Variants in LRRC53 observed in about 807,000 individuals in gnomAD.
LRRC53 encodes leucine-rich repeat-containing protein 53.
In LRRC53, 25 loss-of-function variants were observed where a neutral mutation model predicts 13.6. The observed-to-expected ratio is 1.83, with a 90% CI of 1.34 to 2.56. LRRC53 has a LOEUF of 2.56. Ranked by LOEUF, LRRC53 falls within the 30% of genes most tolerant of loss-of-function variation. The probability of loss-of-function intolerance (pLI) is 0.00; values close to 1 mark genes in which losing one functional copy is unlikely to be tolerated. For synonymous variants in LRRC53, 204 were observed against 109.8 expected, an observed-to-expected ratio of 1.86 and a Z score of -5.37; for missense variants, 527 against 275.8, an observed-to-expected ratio of 1.91 and a Z score of -6.45.
upstream of LRRC53, chr1:74,512,679 A>T (rs959967103): frequency 1.4e-4 from 22 of 152,316 alleles, no homozygotes; most frequent in African/African-American, 5.3e-4. Flanking sequence ...TCCTGGCTTC[A>T]TCCTTTAGTG....
chr1:74,478,552 G>A (rs1668321205), intron 3 of LRRC53, among the ~76,000 whole-genome samples: 1 of 152,054 alleles, frequency 6.6e-6, no homozygotes, highest in Non-Finnish European at 1.5e-5. Flanking sequence ...CAAATTCAAT[G>A]AAATCCTCTA....
rs1667843859 is a variant in LRRC53 at position 74,469,958 on chromosome 1, CTTCATTTA to C, written c.3656_3663del (p.Ile1219SerfsTer2). On this transcript the variant is annotated frameshift_variant, in exon 5 of 5. Coordinates refer to ENST00000294635, the MANE Select transcript of LRRC53 (RefSeq NM_001382280.1). LOFTEE classifies it low-confidence loss of function (END_TRUNC). ...ACAGGTTTTGGAGCAGAGTTTTCAG[CTTCATTTA>C]TTCTGCTAGGAACTAAAAACACCTC... is the stretch of plus-strand genomic sequence containing the variant. 1 of 400,556 alleles carries C rather than the reference CTTCATTTA, an allele frequency of 2.5e-6. No homozygotes were observed. The highest frequency in any genetic ancestry group is 4.4e-6 in the Non-Finnish European group (1 of 226,140). 24.8% of individuals were successfully genotyped at this position (400,556 alleles called of 1,614,324 possible). A position where few individuals can be genotyped will look rare whatever the true frequency, so the allele number is the denominator to read the frequency against.
In LRRC53 at chr1:74,471,568, C is replaced by G. The variant is rs973196935; in HGVS notation, c.2054G>C (p.Arg685Thr). ...DVKKFSNTGERNKGEKWFTNS... is the reference protein window; with the variant it reads ...DVKKFSNTGETNKGEKWFTNS... ...AGTAAACCATTTTTCTCCTTTGTTT[C>G]TCTCCCCAGTGTTGCTAAATTTTTT... Residue 685 changes from arginine to threonine, a missense_variant, in exon 5 of 5, where the codon AGA becomes ACA. By Grantham distance (71) the Arg-to-Thr change is moderately conservative. Transcript: ENST00000294635. 19 of 400,494 alleles carry G rather than the reference C, an allele frequency of 4.7e-5. No individual in the cohort carries two copies. Among genetic ancestry groups the G allele is most frequent in the Non-Finnish European group, 8.0e-5 (18 of 226,182 alleles). The allele number at this position is 400,494 out of a possible 1,614,324, so 24.8% of individuals were successfully genotyped here.
the LRRC53 span, among the ~76,000 whole-genome samples, chr1:74,519,513 T>C: frequency 4.8e-5 from 6 of 125,742 alleles, no homozygotes; most frequent in Admixed American, 1.5e-4. Context: ...TGTAAAAGTG[T>C]TCCTATTTCT....
At chr1:74,517,830 T>A in the LRRC53 span, among the ~76,000 whole-genome samples, 4 of 152,174 alleles carry the variant, frequency 2.6e-5, no homozygotes, top group Non-Finnish European at 4.4e-5. Flanking sequence ...AGGCAAAAAC[T>A]GCTGGGCCCA....
chr1:74,533,363 T>C, the LRRC53 span, among the ~76,000 whole-genome samples: 1 of 152,152 alleles, frequency 6.6e-6, no homozygotes, highest in African/African-American at 2.4e-5. Flanking sequence ...CACAATGACA[T>C]ACCATCTCAC....
At chr1:74,519,717 T>C in the LRRC53 span, among the ~76,000 whole-genome samples, 2 of 152,202 alleles carry the variant, frequency 1.3e-5, no homozygotes, top group Admixed American at 6.5e-5. Context: ...AAAAGAAAAT[T>C]ACATTTTATA....
chr1:74,519,762 T>C, the LRRC53 span, among the ~76,000 whole-genome samples: 1 of 152,146 alleles, frequency 6.6e-6, no homozygotes, highest in South Asian at 2.1e-4. Context: ...CAAGTACCTA[T>C]AATGAAGATA....
intron 1 of LRRC53, among the ~76,000 whole-genome samples, chr1:74,501,542 A>G (rs1669633103): frequency 6.6e-6 from 1 of 152,012 alleles, no homozygotes; most frequent in Non-Finnish European, 1.5e-5. Flanking sequence ...GCTAGAGTGC[A>G]GTGGCACAAT....
the LRRC53 span, among the ~76,000 whole-genome samples, chr1:74,522,249 G>A: frequency 1.3e-5 from 2 of 152,156 alleles, no homozygotes; most frequent in Non-Finnish European, 2.9e-5. Flanking sequence ...AGACATTTAG[G>A]ACAGATCTGC....
the LRRC53 span, among the ~76,000 whole-genome samples, chr1:74,526,730 G>C: frequency 3.9e-5 from 6 of 152,166 alleles, no homozygotes; most frequent in Admixed American, 6.5e-5. Context: ...GATGAATGGA[G>C]ATCCTACATT....
the LRRC53 span, among the ~76,000 whole-genome samples, chr1:74,518,506 A>G: frequency 3.9e-5 from 6 of 152,008 alleles, no homozygotes; most frequent in Admixed American, 3.3e-4. Context: ...TCCCACCTCA[A>G]TATGCCTTCT....
chr1:74,481,912 C>T (rs1472405213), intron 2 of LRRC53, among the ~76,000 whole-genome samples: 1 of 152,088 alleles, frequency 6.6e-6, no homozygotes, highest in East Asian at 1.9e-4. Flanking sequence ...TCACAAATCC[C>T]TTAGGAAATT....
At chr1:74,498,945 T>C (rs1233315131) in intron 1 of LRRC53, among the ~76,000 whole-genome samples, 1 of 152,234 alleles carries the variant, frequency 6.6e-6, no homozygotes, top group East Asian at 1.9e-4. Flanking sequence ...ATGACGCTTA[T>C]TTTAGCATGA....
chr1:74,526,906 A>G, the LRRC53 span, among the ~76,000 whole-genome samples: 4 of 152,188 alleles, frequency 2.6e-5, no homozygotes, highest in Non-Finnish European at 4.4e-5. Context: ...AGCCACACTC[A>G]TTTGTTTACA....
At chr1:74,498,584 A>G (rs1008792716) in intron 1 of LRRC53, among the ~76,000 whole-genome samples, 1 of 152,142 alleles carries the variant, frequency 6.6e-6, no homozygotes, top group Non-Finnish European at 1.5e-5. Context: ...TTAGGCTGTA[A>G]ATACCAGGCT....
At chr1:74,503,555 T>C (rs1317386537) in intron 1 of LRRC53, among the ~76,000 whole-genome samples, 1 of 152,198 alleles carries the variant, frequency 6.6e-6, no homozygotes, top group African/African-American at 2.4e-5. Flanking sequence ...GAACAAGATG[T>C]TGCTTGCCTA....
chr1:74,505,647 C>A (rs760538308), intron 1 of LRRC53, among the ~76,000 whole-genome samples: 1 of 152,020 alleles, frequency 6.6e-6, no homozygotes, highest in Non-Finnish European at 1.5e-5. Flanking sequence ...TTTGCTTACT[C>A]GTATTTGAAG....
rs1032940877 is a variant in LRRC53 at position 74,481,014 on chromosome 1, G to T, written c.89-46C>A. Reference sequence around the variant, plus strand: ...ACTAGATGCAGGGTACACATGAGTGGGAGGGAGGGGGTATGGTGGAGAGCA... The same window carrying T: ...ACTAGATGCAGGGTACACATGAGTGTGAGGGAGGGGGTATGGTGGAGAGCA... On this transcript the variant is annotated intron_variant, in intron 2 of 4. Transcript: ENST00000294635. 4.5e-6 allele frequency: 3 copies of T among 661,228 alleles called. No individual in the cohort carries two copies. The African/African-American group carries it at 5.4e-5, about 12-fold the overall frequency. The allele number at this position is 661,228 out of a possible 1,614,324, so 41.0% of individuals were successfully genotyped here.
Sources: gnomAD v4.1 joint callset for allele counts (sites outside exome capture counted in the v4.1 genomes callset) on GRCh38, gnomAD v4.1.1 for gene constraint, MANE v1.5 for transcripts, NCBI Gene and HGNC (gene_info 2026-07-23, HGNC 2026-07-21) for gene names.